The following STXBP6 variants were observed in gnomAD, a reference collection of about 807,000 sequenced individuals.
STXBP6 encodes the protein syntaxin-binding protein 6.
A neutral mutation model predicts 26.9 loss-of-function variants in STXBP6; 21 were observed. The observed-to-expected ratio is 0.78, with a 90% confidence interval of 0.55 to 1.12. STXBP6 has a LOEUF of 1.12. Among genes scored for constraint, STXBP6 ranks in the 50% most tolerant of loss-of-function variants. The probability of loss-of-function intolerance (pLI) is 0.00; values close to 1 mark genes in which losing one functional copy is unlikely to be tolerated. For missense variants in STXBP6, 232 were observed against 257.9 expected (o/e 0.90, Z 0.69); for synonymous variants, 97 against 92.6 (o/e 1.05, Z -0.27).
intron 4 of STXBP6, among the ~76,000 whole-genome samples, chr14:24,854,182 G>A (rs1201629622): frequency 6.6e-6 from 1 of 152,070 alleles, no homozygotes. Context: ...AGTGCAGTCT[G>A]TTAAGGGAGG....
chr14:24,891,665 T>G (rs2070792357), intron 2 of STXBP6, among the ~76,000 whole-genome samples: 1 of 152,236 alleles, frequency 6.6e-6, no homozygotes, highest in Admixed American at 6.5e-5. Context: ...TACCCATATT[T>G]CCTTTATATC....
intron 2 of STXBP6, among the ~76,000 whole-genome samples, chr14:24,902,819 T>G (rs1264290924): frequency 6.6e-6 from 1 of 152,146 alleles, no homozygotes; most frequent in South Asian, 2.1e-4. Context: ...GGATACTGCT[T>G]CATTTAAAAC....
At chr14:24,961,216 A>C (rs2073525569) in intron 2 of STXBP6, among the ~76,000 whole-genome samples, 1 of 152,180 alleles carries the variant, frequency 6.6e-6, no homozygotes, top group Non-Finnish European at 1.5e-5. Flanking sequence ...GCTAAATGAC[A>C]AGAATCATGG....
intron 2 of STXBP6, among the ~76,000 whole-genome samples, chr14:24,935,663 CAA>C (rs1441245026): frequency 6.6e-6 from 1 of 152,078 alleles, no homozygotes; most frequent in Non-Finnish European, 1.5e-5. Flanking sequence ...AATGTGTCTG[CAA>C]AGAGTATAAA....
rs1421309097 is a variant in STXBP6 at position 25,011,734 on chromosome 14, T to A, written c.-32-36884A>T. On this transcript the variant is annotated intron_variant, in intron 1 of 5. Transcript: ENST00000323944. ...GCTTTTAAAATTGCAGCATGTTTTC[T>A]TGCAGGATTTGGTTCAGCCAACTAC... Among the ~76,000 whole-genome samples, 2 of 152,192 alleles carry A rather than the reference T, an allele frequency of 1.3e-5. 1 individual carries two copies.
At chr14:25,029,830 G>A (rs1449310841) in intron 1 of STXBP6, among the ~76,000 whole-genome samples, 1 of 152,126 alleles carries the variant, frequency 6.6e-6, no homozygotes, top group East Asian at 1.9e-4. Context: ...TCATTTGGTA[G>A]TTAAGCTAAA....
intron 2 of STXBP6, among the ~76,000 whole-genome samples, chr14:24,878,137 T>C (rs1475981470): frequency 1.3e-5 from 2 of 152,154 alleles, no homozygotes; most frequent in African/African-American, 4.8e-5. Flanking sequence ...CTTTGTGATT[T>C]GAGTATTCTC....
intron 2 of STXBP6, among the ~76,000 whole-genome samples, chr14:24,927,565 C>A (rs1281493154): frequency 2.0e-5 from 3 of 152,176 alleles, no homozygotes; most frequent in Admixed American, 2.0e-4. Context: ...TTTGCAATAA[C>A]CTTTCCTCTA....
intron 1 of STXBP6, among the ~76,000 whole-genome samples, chr14:25,018,182 C>T (rs1184428626): frequency 6.6e-6 from 1 of 152,072 alleles, no homozygotes; most frequent in Non-Finnish European, 1.5e-5. Context: ...ATAGGACTTC[C>T]GGAGATTCTT....
intron 5 of STXBP6, among the ~76,000 whole-genome samples, chr14:24,814,162 C>T (rs761741312): frequency 3.3e-5 from 5 of 152,146 alleles, no homozygotes; most frequent in African/African-American, 4.8e-5. Flanking sequence ...TGGGTTCTTG[C>T]CAAGAAGGGT....
chr14:24,892,888 T>G (rs2070845547), intron 2 of STXBP6, among the ~76,000 whole-genome samples: 1 of 152,160 alleles, frequency 6.6e-6, no homozygotes, highest in Non-Finnish European at 1.5e-5. Context: ...AACTATCAAT[T>G]ACTGTAACTA....
At chr14:24,985,646 T>C (rs17109431) in intron 1 of STXBP6, among the ~76,000 whole-genome samples, 10,406 of 152,152 alleles carry the variant, frequency 0.068, 1,223 homozygotes, top group African/African-American at 0.23. Context: ...TTCACCAATT[T>C]CAAAGGCTCT....
rs569011137 is a variant in STXBP6, at chr14:24,898,788, TTAAAGGCATTTATGTTTATA to T, written c.155-41651_155-41632del. Among the ~76,000 whole-genome samples the T allele has an allele frequency of 3.3e-3, 504 of 152,356 alleles. 2 individuals carry two copies. Among genetic ancestry groups the T allele is most frequent in the African/African-American group, 0.011 (476 of 41,580 alleles). On this transcript the variant is annotated intron_variant, in intron 2 of 5. Coordinates refer to ENST00000323944, the MANE Select transcript of STXBP6 (RefSeq NM_001394410.1). ...GAATACCAAAAGCATTCTTTTTTCTTTAAAGGCATTTATGTTTATATAAAGGCATTAAATTATACACAAGT... is the reference window on the plus strand; with the variant it reads ...GAATACCAAAAGCATTCTTTTTTCTTTAAAGGCATTAAATTATACACAAGT...
intron 2 of STXBP6, among the ~76,000 whole-genome samples, chr14:24,956,646 A>AAC (rs1360801937): frequency 6.6e-6 from 1 of 152,134 alleles, no homozygotes; most frequent in African/African-American, 2.4e-5. Context: ...ACATTCTAAG[A>AAC]AGAAAATAAG....
At chr14:24,880,506 G>A (rs1054550488) in intron 2 of STXBP6, among the ~76,000 whole-genome samples, 9 of 152,144 alleles carry the variant, frequency 5.9e-5, no homozygotes, top group Non-Finnish European at 1.3e-4. Context: ...ACCAGGAAAC[G>A]TACAGGAAGT....
intron 1 of STXBP6, among the ~76,000 whole-genome samples, chr14:25,031,981 A>C (rs1008516217): frequency 1.3e-5 from 2 of 152,160 alleles, no homozygotes; most frequent in Admixed American, 6.5e-5. Flanking sequence ...ATTCCAAGAG[A>C]AGGTGGGGAG....
chr14:24,947,373 C>G (rs79367816), intron 2 of STXBP6, among the ~76,000 whole-genome samples: 1 of 152,126 alleles, frequency 6.6e-6, no homozygotes, highest in African/African-American at 2.4e-5. Flanking sequence ...GAGAGCACAA[C>G]GTGGTGAAAG....
intron 2 of STXBP6, among the ~76,000 whole-genome samples, chr14:24,875,286 A>T (rs2070097043): frequency 6.6e-6 from 1 of 152,224 alleles, no homozygotes; most frequent in Admixed American, 6.5e-5. Flanking sequence ...CATGCTGCCC[A>T]CTGTGATGCC....
At chr14:25,042,921 A>G (rs1236513491) in intron 1 of STXBP6, among the ~76,000 whole-genome samples, 1 of 152,262 alleles carries the variant, frequency 6.6e-6, no homozygotes, top group Non-Finnish European at 1.5e-5. Context: ...TGTTCACGTA[A>G]TGCTGACCAC....
Sources: gnomAD v4.1 joint callset for allele counts (sites outside exome capture counted in the v4.1 genomes callset) on GRCh38, gnomAD v4.1.1 for gene constraint, MANE v1.5 for transcripts, NCBI Gene and HGNC (gene_info 2026-07-23, HGNC 2026-07-21) for gene names.